The following HSP90AA1 variants were observed in gnomAD, a reference collection of about 807,000 sequenced individuals.
HSP90AA1 encodes the protein heat shock protein HSP 90-alpha.
HSP90AA1 carries 18 observed loss-of-function variants against 73.3 expected under a neutral mutation model. The ratio of observed to expected loss-of-function variants is 0.25; its 90% CI spans 0.17 to 0.36. The LOEUF (loss-of-function observed/expected upper bound fraction) is 0.36, where lower values mean the gene tolerates loss of function less well. Among genes scored for constraint, HSP90AA1 ranks in the 10% least tolerant of loss-of-function variants. The probability of loss-of-function intolerance (pLI) is 1.00; values close to 1 mark genes in which losing one functional copy is unlikely to be tolerated. For synonymous variants in HSP90AA1, 477 were observed against 296.9 expected, an observed-to-expected ratio of 1.61 and a Z score of -6.24; for missense variants, 704 against 874.2, an observed-to-expected ratio of 0.81 and a Z score of 2.45.
chr14:102,139,044 C>T (rs1461619730), intron 1 of HSP90AA1, among the ~76,000 whole-genome samples: 1 of 152,128 alleles, frequency 6.6e-6, no homozygotes, highest in Non-Finnish European at 1.5e-5. Context: ...ATTCAGTCCC[C>T]GGTTCCCAAA....
At chr14:102,123,528 ACC>A (rs2049804351) in intron 1 of HSP90AA1, among the ~76,000 whole-genome samples, 1 of 148,946 alleles carries the variant, frequency 6.7e-6, no homozygotes, top group African/African-American at 2.5e-5. Flanking sequence ...AGTTTCTAAA[ACC>A]TTGTGGTTTT....
At chr14:102,101,253 C>T (rs900342631) in intron 2 of HSP90AA1, among the ~76,000 whole-genome samples, 1 of 152,222 alleles carries the variant, frequency 6.6e-6, no homozygotes, top group African/African-American at 2.4e-5. Context: ...GCAAATGTTC[C>T]ACCCACTGTG....
chr14:102,088,346 CAT>C (rs1394802665), upstream of HSP90AA1, among the ~76,000 whole-genome samples: 2 of 152,176 alleles, frequency 1.3e-5, no homozygotes, highest in African/African-American at 4.8e-5. Context: ...TGCCTAGACT[CAT>C]AGCCAGGCCC....
At chr14:102,121,016 CACACAT>C (rs1171959313) in intron 1 of HSP90AA1, among the ~76,000 whole-genome samples, 3 of 145,454 alleles carry the variant, frequency 2.1e-5, no homozygotes, top group African/African-American at 5.4e-5. Flanking sequence ...CACACACACA[CACACAT>C]ACACACACAC....
chr14:102,093,497 A>AT (rs2049385771), intron 2 of HSP90AA1, among the ~76,000 whole-genome samples: 1 of 151,982 alleles, frequency 6.6e-6, no homozygotes, highest in Non-Finnish European at 1.5e-5. Context: ...AAAAAAAAAA[A>AT]AAAAATTCTG....
At chr14:102,101,459 C>T (rs982713800) in intron 2 of HSP90AA1, among the ~76,000 whole-genome samples, 9 of 152,234 alleles carry the variant, frequency 5.9e-5, no homozygotes, top group Non-Finnish European at 1.3e-4. Context: ...CCAAACCCCA[C>T]TGCCCGCTTC....
chr14:102,103,458 C>T (rs1448640021), intron 1 of HSP90AA1, among the ~76,000 whole-genome samples: 2 of 151,914 alleles, frequency 1.3e-5, no homozygotes, highest in Admixed American at 1.3e-4. Flanking sequence ...AAGGCTGAAG[C>T]AGATGGACTG....
chr14:102,135,586 G>A (rs1056623492), intron 1 of HSP90AA1, among the ~76,000 whole-genome samples: 1 of 152,248 alleles, frequency 6.6e-6, no homozygotes, highest in Non-Finnish European at 1.5e-5. Flanking sequence ...GGGAGGCTCC[G>A]GCCGCACAGG....
intron 1 of HSP90AA1, among the ~76,000 whole-genome samples, chr14:102,116,240 A>G (rs1226541092): frequency 6.6e-6 from 1 of 151,400 alleles, no homozygotes; most frequent in East Asian, 2.0e-4. Context: ...GGCATGAGCC[A>G]CTGTGCCCGG....
chr14:102,103,341 C>A (rs1241418508), intron 1 of HSP90AA1, among the ~76,000 whole-genome samples: 1 of 150,958 alleles, frequency 6.6e-6, no homozygotes, highest in Non-Finnish European at 1.5e-5. Flanking sequence ...CTCTGCTTCT[C>A]GAGTAGCTGG....
At chr14:102,090,563 C>T (rs2049342585), upstream of HSP90AA1, among the ~76,000 whole-genome samples, 1 of 152,058 alleles carries the variant, frequency 6.6e-6, no homozygotes, top group Non-Finnish European at 1.5e-5. Flanking sequence ...CATTCTCCTA[C>T]TTCAGCCTCC....
chr14:102,081,982 A>C (rs1316228641), intron 10 of HSP90AA1, 129 bp downstream of exon 10: 1 of 791,764 alleles, frequency 1.3e-6, no homozygotes. Flanking sequence ...CCTAAAAAAA[A>C]CATACTTTAA....
In HSP90AA1 at chr14:102,087,020, G is replaced by C. The variant is rs1016749737; in HGVS notation, c.-35C>G. Reference sequence around the variant, plus strand: ...GTGACCGCACAGGACCAACGGCACAGCCACACCGGGACGCTGAAGCAACTG... The same window carrying C: ...GTGACCGCACAGGACCAACGGCACACCCACACCGGGACGCTGAAGCAACTG... On this transcript the variant is annotated 5_prime_UTR_variant, in exon 1 of 11. Coordinates refer to ENST00000216281, the MANE Select transcript of HSP90AA1 (RefSeq NM_005348.4). The C allele has an allele frequency of 1.0e-6, 1 of 985,212 alleles. No homozygotes were observed. The highest frequency in any genetic ancestry group is 1.7e-5 in the African/African-American group (1 of 57,156). 61.0% of individuals were successfully genotyped at this position (985,212 alleles called of 1,614,324 possible). A position where few individuals can be genotyped will look rare whatever the true frequency, so the allele number is the denominator to read the frequency against.
chr14:102,130,188 C>G (rs539971979), intron 1 of HSP90AA1, among the ~76,000 whole-genome samples: 189 of 152,180 alleles, frequency 1.2e-3, no homozygotes, highest in South Asian at 4.1e-3. Flanking sequence ...TGAGGCTGGT[C>G]TCGAACTCCT....
At chr14:102,110,643 G>A (rs1389167683) in intron 1 of HSP90AA1, among the ~76,000 whole-genome samples, 1 of 146,518 alleles carries the variant, frequency 6.8e-6, no homozygotes, top group South Asian at 2.2e-4. Flanking sequence ...GCAGTGGCAC[G>A]ATCTTGGCTC....
chr14:102,115,155 TG>T (rs1223772824), intron 1 of HSP90AA1, among the ~76,000 whole-genome samples: 1 of 147,420 alleles, frequency 6.8e-6, no homozygotes, highest in Admixed American at 6.8e-5. Flanking sequence ...AAAAATTAGC[TG>T]GGTGTGGTGG....
upstream of HSP90AA1, chr14:102,139,742 G>A (rs1732438580): frequency 7.7e-6 from 7 of 909,800 alleles, no homozygotes; most frequent in Non-Finnish European, 1.1e-5. Flanking sequence ...GAGCACGCCT[G>A]CGCAGTCGGG....
intron 4 of HSP90AA1, 108 bp from the exon 5 acceptor site, chr14:102,085,106 G>A: frequency 6.4e-7 from 1 of 1,564,322 alleles, no homozygotes; most frequent in African/African-American, 1.4e-5. Context: ...GCCAACTTGA[G>A]AAGCACCCAG....
chr14:102,131,082 C>T (rs1314170964), intron 1 of HSP90AA1, among the ~76,000 whole-genome samples: 2 of 152,200 alleles, frequency 1.3e-5, no homozygotes, highest in African/African-American at 2.4e-5. Context: ...CAGCTCAGAC[C>T]TCTTTCCAGA....
Sources: allele counts gnomAD v4.1 joint callset (sites outside exome capture counted in the v4.1 genomes callset), GRCh38; gene constraint gnomAD v4.1.1; transcripts MANE v1.5; gene names NCBI Gene and HGNC (gene_info 2026-07-23, HGNC 2026-07-21).